KSR1: variants seen among roughly 807,000 people sequenced by gnomAD.
The protein encoded by KSR1 is kinase suppressor of ras 1.
A neutral mutation model predicts 92.9 loss-of-function variants in KSR1; 35 were observed. The ratio of observed to expected loss-of-function variants is 0.38; its 90% CI spans 0.29 to 0.50. KSR1 has a LOEUF of 0.50. Among genes scored for constraint, KSR1 ranks in the 20% least tolerant of loss-of-function variants. The pLI, the probability that KSR1 is intolerant of heterozygous loss-of-function variation, is 0.94. For missense variants in KSR1, 972 were observed against 1,158.5 expected (o/e 0.84, Z 2.34); for synonymous variants, 467 against 472.6 (o/e 0.99, Z 0.15).
chr17:27,616,501 C>T (rs1265305979), intron 18 of KSR1, among the ~76,000 whole-genome samples: 1 of 152,230 alleles, frequency 6.6e-6, no homozygotes, highest in Non-Finnish European at 1.5e-5. Flanking sequence ...AATGTACACA[C>T]ACACACATGT....
intron 1 of KSR1, among the ~76,000 whole-genome samples, chr17:27,476,987 T>G (rs2068366348): frequency 6.6e-6 from 1 of 152,200 alleles, no homozygotes; most frequent in Non-Finnish European, 1.5e-5. Flanking sequence ...GGGCTGCTGG[T>G]TGCCCATTTT....
At chr17:27,588,873 C>T (rs1239275233) in intron 6 of KSR1, among the ~76,000 whole-genome samples, 1 of 152,228 alleles carries the variant, frequency 6.6e-6, no homozygotes, top group Non-Finnish European at 1.5e-5. Context: ...TGCGATGTCA[C>T]ATGAGTCCTG....
At chr17:27,546,512 TG>T (rs1215715480) in intron 1 of KSR1, among the ~76,000 whole-genome samples, 2 of 152,134 alleles carry the variant, frequency 1.3e-5, no homozygotes, top group African/African-American at 2.4e-5. Flanking sequence ...AACTGTAGTA[TG>T]ATAGTAACTC....
chr17:27,516,813 C>T (rs909129809), intron 1 of KSR1, among the ~76,000 whole-genome samples: 1 of 152,052 alleles, frequency 6.6e-6, no homozygotes, highest in Non-Finnish European at 1.5e-5. Flanking sequence ...AGAACATGTG[C>T]CCAAGGTGGT....
chr17:27,505,488 C>T (rs749085318), intron 1 of KSR1, among the ~76,000 whole-genome samples: 3 of 152,220 alleles, frequency 2.0e-5, no homozygotes, highest in Non-Finnish European at 4.4e-5. Context: ...GTTATTAGTG[C>T]TCTAAGAGAG....
At chr17:27,543,646 G>A (rs1051146706) in intron 1 of KSR1, among the ~76,000 whole-genome samples, 19 of 152,294 alleles carry the variant, frequency 1.2e-4, no homozygotes, top group Middle Eastern at 3.4e-3. Context: ...AGTCATACCC[G>A]AGCAGCTGGG....
rs59170484 is a variant in KSR1, at chr17:27,526,094, T to TTCTCTC, written c.232-24455_232-24450dup. 4.2e-4 allele frequency among the ~76,000 whole-genome samples: 50 copies of TTCTCTC among 118,474 alleles called. 2 individuals are homozygous for TTCTCTC. Among genetic ancestry groups the TTCTCTC allele is most frequent in the Middle Eastern group, 4.3e-3 (1 of 234 alleles). 77.7% of individuals were successfully genotyped at this position (118,474 alleles called of 152,430 possible). ...TCTCTTTCTTTCTTTCTTTCTTTCT[T>TTCTCTC]TCTCTCTCTCTCTCTCTCTCTCTCA... On this transcript the variant is annotated intron_variant, in intron 1 of 20. Transcript: ENST00000644974.
intron 1 of KSR1, among the ~76,000 whole-genome samples, chr17:27,495,583 CCCTT>C (rs1369332245): frequency 6.6e-6 from 1 of 152,192 alleles, no homozygotes; most frequent in Admixed American, 6.5e-5. Flanking sequence ...TTTCTCGTGT[CCCTT>C]CCAGCTCTGA....
intron 10 of KSR1, 72 bp downstream of exon 10, chr17:27,597,508 G>A (rs917313554): frequency 1.2e-5 from 18 of 1,477,958 alleles, no homozygotes; most frequent in Middle Eastern, 1.8e-4. Flanking sequence ...ACCCAAGTTC[G>A]GCAGATTCAA....
intron 2 of KSR1, among the ~76,000 whole-genome samples, chr17:27,552,947 TCA>T (rs2071448914): frequency 2.0e-5 from 3 of 152,134 alleles, no homozygotes; most frequent in Admixed American, 2.0e-4. Context: ...TTTCCCCACC[TCA>T]CAGTTGAGGA....
chr17:27,542,563 G>A (rs2071005210), intron 1 of KSR1, among the ~76,000 whole-genome samples: 1 of 152,130 alleles, frequency 6.6e-6, no homozygotes, highest in South Asian at 2.1e-4. Flanking sequence ...CCCATCTCAG[G>A]CCCTGCAATT....
intron 1 of KSR1, among the ~76,000 whole-genome samples, chr17:27,527,383 G>GCC (rs2070348371): frequency 1.1e-5 from 1 of 87,286 alleles, no homozygotes; most frequent in Admixed American, 1.2e-4. Flanking sequence ...CACTGCAGTG[G>GCC]CACACCCGCC....
intron 2 of KSR1, among the ~76,000 whole-genome samples, chr17:27,557,509 T>C (rs1213951412): frequency 1.3e-5 from 2 of 152,164 alleles, no homozygotes; most frequent in Non-Finnish European, 2.9e-5. Context: ...TGGACCTGCA[T>C]GGCTGTGGCC....
At chr17:27,467,239 G>C (rs575691751) in intron 1 of KSR1, among the ~76,000 whole-genome samples, 12 of 152,324 alleles carry the variant, frequency 7.9e-5, no homozygotes, top group Non-Finnish European at 1.3e-4. Context: ...TCTCCGTCCA[G>C]CTGGAAAATC....
intron 1 of KSR1, among the ~76,000 whole-genome samples, chr17:27,511,585 C>T (rs746232991): frequency 1.3e-5 from 2 of 152,130 alleles, no homozygotes; most frequent in Non-Finnish European, 2.9e-5. Flanking sequence ...GGACCTGGGG[C>T]GAGGTGGGAG....
intron 6 of KSR1, among the ~76,000 whole-genome samples, chr17:27,589,251 C>G (rs1056166542): frequency 1.3e-5 from 2 of 152,222 alleles, no homozygotes; most frequent in Non-Finnish European, 2.9e-5. Flanking sequence ...GCAGAGGTGT[C>G]TGAGGCATCT....
rs1376928949 is a variant in KSR1 at position 27,555,612 on chromosome 17, C to T, written c.372+4904C>T. 2.0e-5 allele frequency among the ~76,000 whole-genome samples: 3 copies of T among 152,170 alleles called. No individual in the cohort carries two copies. In the East Asian group the frequency reaches 5.8e-4, roughly 29 times the overall value. ...TTCAGCCCCCTCTGTTTTTTACTAA[C>T]CCCACTTCTAGAATCAGTTATTTCC... On this transcript the variant is annotated intron_variant, in intron 2 of 20. Coordinates refer to ENST00000644974, the MANE Select transcript of KSR1 (RefSeq NM_001394583.1).
Position 27,510,901 on chromosome 17 carries a change from C to T in KSR1, c.232-39667C>T, listed in dbSNP as rs544608152. 5.6e-4 allele frequency among the ~76,000 whole-genome samples: 86 copies of T among 152,274 alleles called. No homozygotes were observed. In the South Asian group the frequency reaches 8.9e-3, roughly 16 times the overall value. ...GAGCCAGAGTTATCTTGGTATGGAG[C>T]GCCGTACCACCCAGGAGCCATGTAG... On this transcript the variant is annotated intron_variant, in intron 1 of 20. Transcript: ENST00000644974.
At chr17:27,541,791 A>G (rs1246629415) in intron 1 of KSR1, among the ~76,000 whole-genome samples, 1 of 152,148 alleles carries the variant, frequency 6.6e-6, no homozygotes, top group Admixed American at 6.5e-5. Flanking sequence ...TACACCTTTA[A>G]GTCTTGTGGG....
Sources: gnomAD v4.1 joint callset for allele counts (sites outside exome capture counted in the v4.1 genomes callset) on GRCh38, gnomAD v4.1.1 for gene constraint, MANE v1.5 for transcripts, NCBI Gene and HGNC (gene_info 2026-07-23, HGNC 2026-07-21) for gene names.